Variants in SEMA4F observed in about 807,000 individuals in gnomAD.
SEMA4F encodes the protein semaphorin-4F.
SEMA4F carries 51 observed loss-of-function variants against 78.4 expected under a neutral mutation model. The observed-to-expected ratio is 0.65, with a 90% CI of 0.52 to 0.82. The LOEUF (loss-of-function observed/expected upper bound fraction) is 0.82, where lower values mean the gene tolerates loss of function less well. Ranked by LOEUF, SEMA4F falls within the 40% of genes least tolerant of loss-of-function variation. SEMA4F has a pLI of 0.00. For missense variants in SEMA4F, 938 were observed against 1,014.4 expected, an observed-to-expected ratio of 0.92 and a Z score of 1.02; for synonymous variants, 418 against 408.7, an observed-to-expected ratio of 1.02 and a Z score of -0.27.
At chr2:74,703,151 G>A in the SEMA4F span, among the ~76,000 whole-genome samples, 1 of 152,294 alleles carries the variant, frequency 6.6e-6, no homozygotes, top group South Asian at 2.1e-4. Context: ...AATACTACGG[G>A]TTGGAGGAAA....
chr2:74,672,848 C>G (rs1470082592), intron 5 of SEMA4F, among the ~76,000 whole-genome samples: 1 of 152,200 alleles, frequency 6.6e-6, no homozygotes, highest in African/African-American at 2.4e-5. Context: ...GGTCCTGAAT[C>G]ACCTGCATCC....
At chr2:74,684,926 C>T (rs922013076), downstream of SEMA4F, among the ~76,000 whole-genome samples, 2 of 152,222 alleles carry the variant, frequency 1.3e-5, no homozygotes, top group Admixed American at 6.5e-5. Context: ...GAGCCATGAT[C>T]GTGCCACTGC....
chr2:74,675,035 G>C lies in SEMA4F; in HGVS notation c.1149G>C (p.Glu383Asp), dbSNP rs1685192463. The change falls in exon 9 of 14, where the codon GAG (glutamate) becomes GAC (aspartate). Residue 383 changes from glutamate (E) to aspartate (D), a missense_variant and splice_region_variant. Physicochemically the swap from Glu to Asp is conservative, Grantham distance 45. Transcript: ENST00000357877. Reference sequence around the variant, plus strand: ...ATGTGCCCCAGCCCAGACCTGGAGAGGTGAGGGGGCAGATCTTCATTCTAG... The same window carrying C: ...ATGTGCCCCAGCCCAGACCTGGAGACGTGAGGGGGCAGATCTTCATTCTAG... ...DNDVPQPRPG[E>D]CITNNMKLRH... 3.1e-6 allele frequency: 5 copies of C among 1,613,908 alleles called. No individual in the cohort carries two copies. The highest frequency in any genetic ancestry group is 4.2e-6 in the Non-Finnish European group (5 of 1,180,042).
chr2:74,655,249 C>A, intron 1 of SEMA4F: 1 of 364,942 alleles, frequency 2.7e-6, no homozygotes, highest in Non-Finnish European at 5.7e-6. Context: ...TAAAGTTCTG[C>A]TTAAATGATT....
At chr2:74,660,009 C>T (rs1273705586) in intron 4 of SEMA4F, among the ~76,000 whole-genome samples, 1 of 152,146 alleles carries the variant, frequency 6.6e-6, no homozygotes, top group African/African-American at 2.4e-5. Context: ...GGACCTCTAG[C>T]AGTTAACAGA....
chr2:74,695,137 G>A, the SEMA4F span, among the ~76,000 whole-genome samples: 1 of 152,178 alleles, frequency 6.6e-6, no homozygotes, highest in South Asian at 2.1e-4. Flanking sequence ...GAGGAAAATT[G>A]TTGTGCTGGG....
At chr2:74,662,222 A>C (rs1684462124) in intron 4 of SEMA4F, among the ~76,000 whole-genome samples, 1 of 151,946 alleles carries the variant, frequency 6.6e-6, no homozygotes, top group South Asian at 2.1e-4. Flanking sequence ...TGGGGTGGGG[A>C]ATAGGAGGAG....
In SEMA4F at chr2:74,654,527, G is replaced by C. The variant is rs1478925796; in HGVS notation, c.145+6G>C. On this transcript the variant is annotated splice_donor_region_variant and intron_variant, in intron 1 of 13. Coordinates refer to ENST00000357877, the MANE Select transcript of SEMA4F (RefSeq NM_004263.5). ...AACCTCGCTTCCAATCTCTGGTAAGGCGCGGACGCCCACGCCCTCAGCCCT... is the reference window on the plus strand; with the variant it reads ...AACCTCGCTTCCAATCTCTGGTAAGCCGCGGACGCCCACGCCCTCAGCCCT... 1.9e-6 allele frequency: 3 copies of C among 1,551,264 alleles called. No homozygotes were observed. Among genetic ancestry groups the C allele is most frequent in the Non-Finnish European group, 2.6e-6 (3 of 1,150,630 alleles).
At chr2:74,679,373 A>G in intron 13 of SEMA4F, 39 bp downstream of exon 13, 1 of 1,547,198 alleles carries the variant, frequency 6.5e-7, no homozygotes, top group Non-Finnish European at 8.9e-7. Flanking sequence ...ATGTGGGTGG[A>G]GTGGATGGAA....
At chr2:74,704,811 C>T in the SEMA4F span, among the ~76,000 whole-genome samples, 1 of 152,140 alleles carries the variant, frequency 6.6e-6, no homozygotes, top group Non-Finnish European at 1.5e-5. Context: ...CTTCTCCAAA[C>T]CCGGCCCCAT....
chr2:74,654,392 G>A lies in SEMA4F; in HGVS notation c.16G>A (p.Ala6Thr), dbSNP rs1684000432. MPASA[A>T]RPRPGPGQPT... is the part of the protein sequence containing the mutation. ...GGAGCCAAAGATGCCGGCCTCTGCT[G>A]CGCGGCCCCGCCCGGGTCCCGGGCA... is the stretch of plus-strand genomic sequence containing the variant. Residue 6 changes from alanine (A) to threonine (T), a missense_variant, in exon 1 of 14, where the codon GCG (alanine) becomes ACG (threonine). Ala to Thr is a moderately conservative substitution (Grantham distance 58). Transcript: ENST00000357877. 1.3e-6 allele frequency: 2 copies of A among 1,519,278 alleles called. No homozygotes were observed. The highest frequency in any genetic ancestry group is 2.9e-5 in the African/African-American group (2 of 69,434). 94.1% of individuals were successfully genotyped at this position (1,519,278 alleles called of 1,614,324 possible).
At position 74,657,883 on chromosome 2, in the gene SEMA4F, G is replaced by C. The variant is rs375008251; in HGVS notation, c.388G>C (p.Ala130Pro). The C allele has an allele frequency of 6.2e-7, 1 of 1,614,152 alleles. No homozygotes were observed. Among genetic ancestry groups the C allele is most frequent in the East Asian group, 2.2e-5 (1 of 44,888 alleles). Residue 130 changes from alanine (A) to proline (P), a missense_variant, in exon 4 of 14, where the codon GCC becomes CCC. Ala to Pro is a conservative substitution (Grantham distance 27). Transcript: ENST00000357877. Reference protein sequence around the residue: ...DECHNFVQILAIANASHLLTC... With the variant: ...DECHNFVQILPIANASHLLTC... Reference sequence around the variant, plus strand: ...ATGTCACAATTTTGTCCAGATTCTCGCCATTGCCAATGCCTCTCACCTCCT... The same window carrying C: ...ATGTCACAATTTTGTCCAGATTCTCCCCATTGCCAATGCCTCTCACCTCCT...
At chr2:74,674,104 G>C (rs1220985304) in intron 7 of SEMA4F, among the ~76,000 whole-genome samples, 1 of 152,216 alleles carries the variant, frequency 6.6e-6, no homozygotes, top group Admixed American at 6.5e-5. Context: ...CAGGGTTCAA[G>C]TCCCTGCCCT....
the SEMA4F span, among the ~76,000 whole-genome samples, chr2:74,692,659 G>A: frequency 1.3e-5 from 2 of 152,226 alleles, no homozygotes; most frequent in Admixed American, 6.5e-5. Flanking sequence ...CTGGGTATGA[G>A]TACTGAGGAC....
In SEMA4F at chr2:74,656,594, T is replaced by C. The variant is rs1300984822; in HGVS notation, c.206T>C (p.Leu69Pro). Residue 69 changes from leucine (L) to proline (P), a missense_variant, in exon 2 of 14, where the codon CTT becomes CCT. Coordinates refer to ENST00000357877, the MANE Select transcript of SEMA4F (RefSeq NM_004263.5). ...CACACATACAATTACTCTGTTCTCC[T>C]TGTGGATCCTGCCTCCCACACACTT... Reference protein sequence around the residue: ...VPHTYNYSVLLVDPASHTLYV... With the variant: ...VPHTYNYSVLPVDPASHTLYV... 1.2e-6 allele frequency: 2 copies of C among 1,614,178 alleles called. No individual in the cohort carries two copies. The highest frequency in any genetic ancestry group is 1.3e-5 in the African/African-American group (1 of 75,046).
the SEMA4F span, among the ~76,000 whole-genome samples, chr2:74,695,204 C>T: frequency 6.6e-6 from 1 of 152,230 alleles, no homozygotes; most frequent in Non-Finnish European, 1.5e-5. Flanking sequence ...ATCAGACACT[C>T]AGCCAGATGT....
chr2:74,672,153 C>T (rs975944832), intron 5 of SEMA4F, among the ~76,000 whole-genome samples: 2 of 152,260 alleles, frequency 1.3e-5, no homozygotes, highest in Non-Finnish European at 2.9e-5. Flanking sequence ...CCAACCACAA[C>T]TGAGTGCCCA....
chr2:74,673,781 G>T lies in SEMA4F; in HGVS notation c.775G>T (p.Asp259Tyr). The change falls in exon 7 of 14, where the codon GAC becomes TAC. Residue 259 changes from aspartate to tyrosine, a missense_variant. Coordinates refer to ENST00000357877, the MANE Select transcript of SEMA4F (RefSeq NM_004263.5). ...CTTTACGGAGACTTCCCGAGCATTTGACTCATACGAGCGCATTAAAGTCCC... is the reference window on the plus strand; with the variant it reads ...CTTTACGGAGACTTCCCGAGCATTTTACTCATACGAGCGCATTAAAGTCCC... The part of the protein sequence containing the change: ...FFFTETSRAF[D>Y]SYERIKVPRV... The T allele has an allele frequency of 6.2e-7, 1 of 1,614,226 alleles. No individual in the cohort carries two copies. Among genetic ancestry groups the T allele is most frequent in the Non-Finnish European group, 8.5e-7 (1 of 1,180,048 alleles).
In SEMA4F at chr2:74,656,532, A is replaced by AGAGGCT; in HGVS notation, c.147_152dup. On this transcript the variant is annotated splice_acceptor_variant, in intron 1 of 13. Coordinates refer to ENST00000357877, the MANE Select transcript of SEMA4F (RefSeq NM_004263.5). LOFTEE classifies it high-confidence loss of function. ...AACATCACTCTCCTCTCTTCCTGCC[A>AGAGGCT]GAGGCTGACTCCTGTCTCACCCGGT... 2 of 1,613,244 alleles carry AGAGGCT rather than the reference A, an allele frequency of 1.2e-6. No homozygotes were observed. The highest frequency in any genetic ancestry group is 1.7e-6 in the Non-Finnish European group (2 of 1,179,306).
Sources: allele counts gnomAD v4.1 joint callset (sites outside exome capture counted in the v4.1 genomes callset), GRCh38; gene constraint gnomAD v4.1.1; transcripts MANE v1.5; gene names NCBI Gene and HGNC (gene_info 2026-07-23, HGNC 2026-07-21).